The following SLC35A1 variants were observed in gnomAD, a reference collection of about 807,000 sequenced individuals.
SLC35A1 encodes the protein CMP-sialic acid transporter.
A neutral mutation model predicts 40.3 loss-of-function variants in SLC35A1; 21 were observed. The observed-to-expected ratio is 0.52, with a 90% CI of 0.37 to 0.75. The LOEUF (loss-of-function observed/expected upper bound fraction) is 0.75. SLC35A1 is among the 30% of genes least tolerant of loss of function. SLC35A1 has a pLI of 0.00. For synonymous variants in SLC35A1, 146 were observed against 147.3 expected, an observed-to-expected ratio of 0.99 and a Z score of 0.06; for missense variants, 297 against 382.1, an observed-to-expected ratio of 0.78 and a Z score of 1.86.
chr6:87,473,754 A>G (rs868464057), intron 1 of SLC35A1, among the ~76,000 whole-genome samples: 2 of 152,218 alleles, frequency 1.3e-5, no homozygotes, highest in Non-Finnish European at 2.9e-5. Flanking sequence ...TTTGCTGAGC[A>G]GTGTGTGTAA....
rs565552012 is a variant in SLC35A1, at chr6:87,495,473, T to C, written c.195-5035T>C. On this transcript the variant is annotated intron_variant, in intron 2 of 7. Coordinates refer to ENST00000369552, the MANE Select transcript of SLC35A1 (RefSeq NM_006416.5). ...AATTAATGTATCTGTCAAATACTTA[T>C]AGATTATCCAGCTTTGTTTATTTCT... 3.9e-5 allele frequency among the ~76,000 whole-genome samples: 6 copies of C among 152,332 alleles called. No individual in the cohort carries two copies. In the East Asian group the frequency reaches 7.7e-4, roughly 20 times the overall value.
Position 87,501,951 on chromosome 6 carries a change from GA to G in SLC35A1, c.507+642del, listed in dbSNP as rs376311979. On this transcript the variant is annotated intron_variant, in intron 4 of 7. Coordinates refer to ENST00000369552, the MANE Select transcript of SLC35A1 (RefSeq NM_006416.5). ...TGCCTCAATCAGTTATTTCCCCAAA[GA>G]GAAACAGGAAATGGGATGCCAGTGA... Among the ~76,000 whole-genome samples the G allele has an allele frequency of 3.9e-3, 590 of 151,504 alleles. 5 individuals carry two copies. The highest frequency in any genetic ancestry group is 0.013 in the African/African-American group (551 of 40,908).
At chr6:87,510,524 A>G (rs1196747498) in intron 7 of SLC35A1, among the ~76,000 whole-genome samples, 2 of 152,124 alleles carry the variant, frequency 1.3e-5, no homozygotes, top group South Asian at 2.1e-4. Flanking sequence ...TCATATAAAT[A>G]TATTTATTTG....
chr6:87,473,324 C>G (rs921684555), intron 1 of SLC35A1, among the ~76,000 whole-genome samples: 3 of 152,176 alleles, frequency 2.0e-5, no homozygotes, highest in Non-Finnish European at 4.4e-5. Flanking sequence ...GCGGCGGACC[C>G]GGAGAGAGGC....
At chr6:87,482,275 T>C (rs56025649) in intron 2 of SLC35A1, among the ~76,000 whole-genome samples, 17,071 of 143,272 alleles carry the variant, frequency 0.12, 1,090 homozygotes, top group African/African-American at 0.17. Flanking sequence ...TGATAACCAT[T>C]CTTTTCCAAA....
chr6:87,473,150 T>A (rs550085135), intron 1 of SLC35A1, 131 bp downstream of exon 1: 1 of 399,176 alleles, frequency 2.5e-6, no homozygotes, highest in Admixed American at 4.4e-5. Context: ...GGCTGAGGCG[T>A]CAGGAGTTTG....
intron 3 of SLC35A1, among the ~76,000 whole-genome samples, 166 bp downstream of exon 3, chr6:87,500,833 C>T (rs1209674837): frequency 1.3e-5 from 2 of 151,654 alleles, no homozygotes; most frequent in Non-Finnish European, 2.9e-5. Context: ...CTGCAATCTC[C>T]GCCGCCCAGG....
intron 2 of SLC35A1, among the ~76,000 whole-genome samples, chr6:87,482,843 T>C (rs1769283298): frequency 1.1e-5 from 1 of 95,168 alleles, no homozygotes; most frequent in East Asian, 2.7e-4. Context: ...AGGATACTTC[T>C]GAACTGGGTG....
chr6:87,509,111 T>A lies in SLC35A1; in HGVS notation c.822T>A (p.Phe274Leu), dbSNP rs769029834. Residue 274 changes from phenylalanine to leucine, a missense_variant, in exon 7 of 8, where the codon TTT (phenylalanine) becomes TTA (leucine). Physicochemically the swap from Phe to Leu is conservative, Grantham distance 22 (BLOSUM62 0). Transcript: ENST00000369552. ...ACACAGACAACATCATGAAAGGCTTTTCTGCAGCAGCGGCCATTGTCCTTT... is the reference window on the plus strand; with the variant it reads ...ACACAGACAACATCATGAAAGGCTTATCTGCAGCAGCGGCCATTGTCCTTT... The part of the protein sequence containing the change: ...VKYTDNIMKG[F>L]SAAAAIVLST... 1 of 1,614,170 alleles carries A rather than the reference T, an allele frequency of 6.2e-7. No homozygotes were observed. Among genetic ancestry groups the A allele is most frequent in the South Asian group, 1.1e-5 (1 of 91,082 alleles).
In SLC35A1 at chr6:87,500,519, G is replaced by A. The variant is rs953756203; in HGVS notation, c.206G>A (p.Ser69Asn). 12 of 1,613,950 alleles carry A rather than the reference G, an allele frequency of 7.4e-6. No individual in the cohort carries two copies. Among genetic ancestry groups the A allele is most frequent in the Non-Finnish European group, 1.0e-5 (12 of 1,180,004 alleles). ...SVGILAKETG[S>N]LGRFKASLRE... ...TTTTGTTTTCAAAGAGAAACTGGTA[G>A]TCTGGGTAGATTCAAAGCATCTTTA... Residue 69 changes from serine to asparagine, a missense_variant, in exon 3 of 8, where the codon AGT becomes AAT. By Grantham distance (46) the Ser-to-Asn change is conservative. Coordinates refer to ENST00000369552, the MANE Select transcript of SLC35A1 (RefSeq NM_006416.5).
chr6:87,498,180 T>G (rs1004529754), intron 2 of SLC35A1, among the ~76,000 whole-genome samples: 1 of 151,812 alleles, frequency 6.6e-6, no homozygotes, highest in Admixed American at 6.6e-5. Flanking sequence ...GAAGGTGGAG[T>G]GTGAAGCATG....
intron 2 of SLC35A1, 74 bp from the exon 3 acceptor site, chr6:87,500,431 TGAA>T: frequency 4.2e-6 from 6 of 1,426,426 alleles, no homozygotes; most frequent in Non-Finnish European, 5.9e-6. Context: ...GTCCTGTGTT[TGAA>T]GAAGTCTTAT....
chr6:87,511,368 CA>C, intron 7 of SLC35A1, 30 bp from the exon 8 acceptor site: 1 of 1,611,200 alleles, frequency 6.2e-7, no homozygotes, highest in Non-Finnish European at 8.5e-7. Flanking sequence ...GACACACATA[CA>C]GATAAAGCTA....
At chr6:87,486,692 AC>A (rs529959905) in intron 2 of SLC35A1, among the ~76,000 whole-genome samples, 117 of 152,294 alleles carry the variant, frequency 7.7e-4, no homozygotes, top group African/African-American at 2.8e-3. Context: ...TTAAACCTAG[AC>A]CTGTCAATTG....
intron 5 of SLC35A1, among the ~76,000 whole-genome samples, chr6:87,507,255 A>G (rs1188484306): frequency 6.6e-6 from 1 of 152,194 alleles, no homozygotes; most frequent in East Asian, 1.9e-4. Context: ...GAAGTAAAAT[A>G]CTGCTTGTAA....
In SLC35A1 at chr6:87,501,311, G is replaced by A. The variant is rs1769917229; in HGVS notation, c.507+1G>A. On this transcript the variant is annotated splice_donor_variant, in intron 4 of 7. Transcript: ENST00000369552. LOFTEE classifies it high-confidence loss of function. ...ACCAGCCCAAGCTACAAAAGTGGTGGTAAGAAACAAAATGCACACCATAAC... is the reference window on the plus strand; with the variant it reads ...ACCAGCCCAAGCTACAAAAGTGGTGATAAGAAACAAAATGCACACCATAAC... 4 of 1,613,086 alleles carry A rather than the reference G, an allele frequency of 2.5e-6. No individual in the cohort carries two copies. The highest frequency in any genetic ancestry group is 1.7e-5 in the Admixed American group (1 of 59,916).
chr6:87,499,058 TAACTAAG>T (rs1769833378), intron 2 of SLC35A1: 1 of 885,342 alleles, frequency 1.1e-6, no homozygotes, highest in African/African-American at 1.8e-5. Flanking sequence ...AAGAGATCTG[TAACTAAG>T]AAGGATGTCT....
intron 2 of SLC35A1, among the ~76,000 whole-genome samples, chr6:87,499,989 G>T (rs959363938): frequency 6.6e-6 from 1 of 152,060 alleles, no homozygotes; most frequent in African/African-American, 2.4e-5. Context: ...GTAATCCTAG[G>T]TACTCAGGAG....
chr6:87,477,194 C>T (rs192544904), intron 1 of SLC35A1, among the ~76,000 whole-genome samples, 168 bp from the exon 2 acceptor site: 291 of 123,172 alleles, frequency 2.4e-3, no homozygotes, highest in African/African-American at 9.7e-3. Flanking sequence ...TGTGTGTGCA[C>T]GCTCATGTAA....
Sources: allele counts gnomAD v4.1 joint callset (sites outside exome capture counted in the v4.1 genomes callset), GRCh38; gene constraint gnomAD v4.1.1; transcripts MANE v1.5; gene names NCBI Gene and HGNC (gene_info 2026-07-23, HGNC 2026-07-21).